Variants in DPP6 observed in about 807,000 individuals in gnomAD.
DPP6 encodes dipeptidyl peptidase like 6.
In DPP6, 69 loss-of-function variants were observed where a neutral mutation model predicts 122.6. The ratio of observed to expected loss-of-function variants is 0.56; its 90% CI spans 0.46 to 0.69. DPP6 has a LOEUF of 0.69. Among genes scored for constraint, DPP6 ranks in the 30% least tolerant of loss-of-function variants. The probability of loss-of-function intolerance (pLI) is 0.00; values close to 1 mark genes in which losing one functional copy is unlikely to be tolerated. For synonymous variants in DPP6, 418 were observed against 433.1 expected (o/e 0.97, Z 0.43); for missense variants, 928 against 1,116.9 (o/e 0.83, Z 2.41).
intron 5 of DPP6, among the ~76,000 whole-genome samples, chr7:154,626,859 A>T (rs1221244601): frequency 1.3e-5 from 2 of 152,180 alleles, no homozygotes; most frequent in Admixed American, 1.3e-4. Flanking sequence ...TGAAGGAAAG[A>T]TGTGCAGCCA....
At chr7:154,087,530 G>T (rs1249893139) in intron 1 of DPP6, among the ~76,000 whole-genome samples, 4 of 152,186 alleles carry the variant, frequency 2.6e-5, no homozygotes, top group Admixed American at 2.6e-4. Flanking sequence ...AGGGACCTTG[G>T]AAGGACACTT....
intron 5 of DPP6, among the ~76,000 whole-genome samples, chr7:154,626,787 A>C (rs547891169): frequency 1.3e-5 from 2 of 152,308 alleles, no homozygotes; most frequent in African/African-American, 4.8e-5. Context: ...GGAATCTGAC[A>C]ACTGTATGTC....
intron 18 of DPP6, 37 bp from the exon 19 acceptor site, chr7:154,872,587 T>A (rs746410778): frequency 3.2e-6 from 5 of 1,571,824 alleles, no homozygotes; most frequent in Non-Finnish European, 2.6e-6. Context: ...TGGCCAGCAT[T>A]GCCCCCTAAC....
intron 1 of DPP6, among the ~76,000 whole-genome samples, chr7:154,046,201 A>C (rs1179479094): frequency 6.6e-6 from 1 of 152,190 alleles, no homozygotes; most frequent in African/African-American, 2.4e-5. Flanking sequence ...GCCAGGCTAA[A>C]GCATCGGCTG....
intron 1 of DPP6, among the ~76,000 whole-genome samples, chr7:154,103,263 A>C (rs2150572655): frequency 6.6e-6 from 1 of 152,166 alleles, no homozygotes; most frequent in African/African-American, 2.4e-5. Flanking sequence ...TGCTCATTGC[A>C]GGAAGCGACT....
intron 3 of DPP6, among the ~76,000 whole-genome samples, chr7:154,512,746 G>T (rs1224120919): frequency 1.3e-5 from 2 of 152,180 alleles, no homozygotes; most frequent in Non-Finnish European, 2.9e-5. Context: ...TGAGAAGGAT[G>T]ACTTCATGCT....
intron 5 of DPP6, among the ~76,000 whole-genome samples, chr7:154,567,340 CT>C (rs770886842): frequency 1.3e-5 from 2 of 152,156 alleles, no homozygotes; most frequent in Non-Finnish European, 2.9e-5. Flanking sequence ...TAGTGAAGAG[CT>C]GAAGCTATCA....
chr7:154,358,337 T>A (rs927810924), intron 1 of DPP6, among the ~76,000 whole-genome samples: 6 of 152,238 alleles, frequency 3.9e-5, no homozygotes, highest in Non-Finnish European at 7.3e-5. Flanking sequence ...TCTTTAGGAC[T>A]TGATCACATC....
intron 23 of DPP6, among the ~76,000 whole-genome samples, chr7:154,888,320 C>T (rs1256137096): frequency 6.6e-6 from 1 of 152,092 alleles, no homozygotes; most frequent in Non-Finnish European, 1.5e-5. Flanking sequence ...AACCCCTGAC[C>T]TCAGGTGATC....
intron 1 of DPP6, among the ~76,000 whole-genome samples, chr7:154,289,868 G>A (rs751106818): frequency 2.1e-4 from 32 of 152,186 alleles, no homozygotes; most frequent in Non-Finnish European, 3.5e-4. Flanking sequence ...CCTGAATCCT[G>A]ACCGAGTCTC....
chr7:154,290,828 G>A (rs1240421934), intron 1 of DPP6, among the ~76,000 whole-genome samples: 1 of 152,128 alleles, frequency 6.6e-6, no homozygotes, highest in Non-Finnish European at 1.5e-5. Context: ...TCTGGAGAGA[G>A]TCTGTTTGTT....
chr7:154,473,098 A>G (rs923879871), intron 2 of DPP6, among the ~76,000 whole-genome samples: 4 of 152,250 alleles, frequency 2.6e-5, no homozygotes, highest in Admixed American at 6.5e-5. Context: ...GTTTAATCAG[A>G]TAAAATGTAA....
At chr7:154,206,943 T>A (rs920723581) in intron 1 of DPP6, among the ~76,000 whole-genome samples, 1 of 152,156 alleles carries the variant, frequency 6.6e-6, no homozygotes, top group Non-Finnish European at 1.5e-5. Context: ...AGAGCATTCA[T>A]GAAGGTATGC....
chr7:154,839,896 G>A (rs1801381303), intron 16 of DPP6, among the ~76,000 whole-genome samples: 1 of 152,140 alleles, frequency 6.6e-6, no homozygotes, highest in South Asian at 2.1e-4. Flanking sequence ...CCCAGTCAGA[G>A]GAGTGCCACA....
At chr7:154,114,220 A>G (rs909641524) in intron 1 of DPP6, among the ~76,000 whole-genome samples, 3 of 151,852 alleles carry the variant, frequency 2.0e-5, no homozygotes, top group Non-Finnish European at 4.4e-5. Flanking sequence ...GCACTCAGCA[A>G]ACATCAGACA....
Position 154,199,684 on chromosome 7 carries a change from A to C in DPP6, c.243+146621A>C, listed in dbSNP as rs1799065981. 3.3e-5 allele frequency among the ~76,000 whole-genome samples: 5 copies of C among 150,780 alleles called. No homozygotes were observed. In the South Asian group the frequency reaches 1.0e-3, roughly 32 times the overall value. The stretch of plus-strand genomic sequence containing the variant: ...GAGTGCAGTGGTGTGATCCTGGCTC[A>C]CTGCAAGGTCCGCCTCCTGGGTTCA... On this transcript the variant is annotated intron_variant, in intron 1 of 25. Transcript: ENST00000377770.
chr7:154,295,179 T>G (rs1805457410), intron 1 of DPP6, among the ~76,000 whole-genome samples: 1 of 152,234 alleles, frequency 6.6e-6, no homozygotes, highest in African/African-American at 2.4e-5. Context: ...ATTTTCAAAC[T>G]GTCGCAGGGT....
At chr7:154,103,097 AAT>A (rs1461826338) in intron 1 of DPP6, among the ~76,000 whole-genome samples, 1 of 152,080 alleles carries the variant, frequency 6.6e-6, no homozygotes, top group Non-Finnish European at 1.5e-5. Context: ...CCCTGATCAC[AAT>A]ACTTATTGCT....
chr7:154,202,207 C>G (rs1297655460), intron 1 of DPP6, among the ~76,000 whole-genome samples: 1 of 152,160 alleles, frequency 6.6e-6, no homozygotes, highest in Non-Finnish European at 1.5e-5. Flanking sequence ...CTGGTGTGTT[C>G]TGGGAATGCA....
Sources: allele counts gnomAD v4.1 joint callset (sites outside exome capture counted in the v4.1 genomes callset), GRCh38; gene constraint gnomAD v4.1.1; transcripts MANE v1.5; gene names NCBI Gene and HGNC (gene_info 2026-07-23, HGNC 2026-07-21).